CCBE1: variants seen among roughly 807,000 people sequenced by gnomAD.
CCBE1 encodes the protein collagen and calcium binding EGF domains 1.
CCBE1 carries 37 observed loss-of-function variants against 50.0 expected under a neutral mutation model. The observed-to-expected ratio is 0.74, with a 90% CI of 0.57 to 0.97. The LOEUF (loss-of-function observed/expected upper bound fraction) is 0.97. CCBE1 is among the 50% of genes least tolerant of loss of function. The pLI, the probability that CCBE1 is intolerant of heterozygous loss-of-function variation, is 0.00. For synonymous variants in CCBE1, 234 were observed against 203.7 expected, an observed-to-expected ratio of 1.15 and a Z score of -1.27; for missense variants, 538 against 523.8, an observed-to-expected ratio of 1.03 and a Z score of -0.26.
chr18:59,476,153 T>C (rs1202821611), intron 3 of CCBE1, among the ~76,000 whole-genome samples: 2 of 152,174 alleles, frequency 1.3e-5, no homozygotes, highest in Non-Finnish European at 2.9e-5. Flanking sequence ...GGGTTCTTTA[T>C]GCCTCAGCTC....
chr18:59,562,106 C>T (rs1187526302), intron 2 of CCBE1, among the ~76,000 whole-genome samples: 1 of 152,128 alleles, frequency 6.6e-6, no homozygotes, highest in Non-Finnish European at 1.5e-5. Flanking sequence ...TTATTGACTG[C>T]TTTAAATAAT....
At chr18:59,595,181 A>T (rs1348407173) in intron 2 of CCBE1, among the ~76,000 whole-genome samples, 1 of 147,096 alleles carries the variant, frequency 6.8e-6, no homozygotes, top group Admixed American at 6.8e-5. Flanking sequence ...GGAACCTCAG[A>T]CTCCTCCCTT....
At chr18:59,478,576 G>C (rs904825210) in intron 3 of CCBE1, among the ~76,000 whole-genome samples, 2 of 152,190 alleles carry the variant, frequency 1.3e-5, no homozygotes, top group African/African-American at 2.4e-5. Context: ...GTTAATTATA[G>C]GTGCTGTAGT....
chr18:59,453,037 T>A (rs1219891495), intron 6 of CCBE1, among the ~76,000 whole-genome samples: 3 of 152,202 alleles, frequency 2.0e-5, no homozygotes, highest in Non-Finnish European at 1.5e-5. Context: ...CACTTCTTTA[T>A]TTTTATACAT....
chr18:59,500,542 C>A (rs1913569401), intron 2 of CCBE1, among the ~76,000 whole-genome samples: 1 of 152,126 alleles, frequency 6.6e-6, no homozygotes, highest in East Asian at 1.9e-4. Flanking sequence ...TGGCTTCATC[C>A]AGAACTGTCA....
intron 2 of CCBE1, among the ~76,000 whole-genome samples, chr18:59,501,528 C>T (rs1177066102): frequency 6.6e-6 from 1 of 152,140 alleles, no homozygotes; most frequent in Non-Finnish European, 1.5e-5. Context: ...TAAGTGTCGA[C>T]ACTCCTCCCC....
At position 59,563,115 on chromosome 18, in the gene CCBE1, G is replaced by A. The variant is rs148479553; in HGVS notation, c.213-82877C>T. ...TGCAACCCTTACAACCCCACCAGGT[G>A]GGTGAGCTGCCCAGAACATCAAATG... On this transcript the variant is annotated intron_variant, in intron 2 of 10. Coordinates refer to ENST00000439986, the MANE Select transcript of CCBE1 (RefSeq NM_133459.4). 2.8e-4 allele frequency among the ~76,000 whole-genome samples: 43 copies of A among 152,330 alleles called. No homozygotes were observed. The East Asian group carries it at 8.1e-3, about 29-fold the overall frequency.
chr18:59,601,551 T>G (rs945894028), intron 2 of CCBE1, among the ~76,000 whole-genome samples: 2 of 152,176 alleles, frequency 1.3e-5, no homozygotes, highest in African/African-American at 4.8e-5. Flanking sequence ...CTCTCATGTA[T>G]GTCTTTATTA....
intron 2 of CCBE1, among the ~76,000 whole-genome samples, chr18:59,538,492 C>A (rs2144373549): frequency 1.3e-5 from 2 of 152,278 alleles, no homozygotes; most frequent in East Asian, 3.9e-4. Context: ...TACATATTTT[C>A]TTGGCCATCT....
At chr18:59,623,130 C>T (rs901438940) in intron 2 of CCBE1, among the ~76,000 whole-genome samples, 2 of 152,006 alleles carry the variant, frequency 1.3e-5, no homozygotes, top group Non-Finnish European at 2.9e-5. Context: ...CATGTGGAGT[C>T]GAGAGTATAT....
chr18:59,484,702 C>G (rs625314), intron 2 of CCBE1, among the ~76,000 whole-genome samples: 152,042 of 152,368 alleles, frequency 1, 75,860 homozygotes, highest in Middle Eastern at 1. Context: ...TTCCCCTTTG[C>G]GTTTTTTAAT....
At chr18:59,552,128 T>TAG (rs1326789990) in intron 2 of CCBE1, among the ~76,000 whole-genome samples, 1 of 152,178 alleles carries the variant, frequency 6.6e-6, no homozygotes, top group Non-Finnish European at 1.5e-5. Context: ...CATCACTCAG[T>TAG]AGTCTGGCCT....
At chr18:59,459,221 A>C (rs1316035450) in intron 5 of CCBE1, 1 of 152,222 alleles carries the variant, frequency 6.6e-6, no homozygotes, top group Non-Finnish European at 1.5e-5. Flanking sequence ...GGGACCTTAC[A>C]TCACCTTTTC....
intron 2 of CCBE1, among the ~76,000 whole-genome samples, chr18:59,524,249 G>A (rs1407321334): frequency 6.6e-6 from 1 of 152,164 alleles, no homozygotes; most frequent in East Asian, 1.9e-4. Flanking sequence ...GAACCTAGGA[G>A]GCGAAGTTTG....
intron 2 of CCBE1, among the ~76,000 whole-genome samples, chr18:59,631,292 T>C (rs2053845638): frequency 6.6e-6 from 1 of 152,136 alleles, no homozygotes; most frequent in South Asian, 2.1e-4. Context: ...GGAAAGAGGC[T>C]GAATCCTGAT....
chr18:59,594,593 A>G (rs893329197), intron 2 of CCBE1, among the ~76,000 whole-genome samples: 1 of 152,196 alleles, frequency 6.6e-6, no homozygotes, highest in Non-Finnish European at 1.5e-5. Context: ...CCTTGGGCAA[A>G]ACAAAATTGT....
chr18:59,439,612 C>A (rs1568138993), intron 8 of CCBE1, 34 bp from the exon 9 acceptor site: 2 of 1,614,230 alleles, frequency 1.2e-6, no homozygotes, highest in Non-Finnish European at 1.7e-6. Context: ...TAACCACAGG[C>A]AAAAGCATGG....
chr18:59,682,500 G>A (rs1336046632), intron 2 of CCBE1, among the ~76,000 whole-genome samples: 4 of 151,698 alleles, frequency 2.6e-5, no homozygotes, highest in Admixed American at 2.0e-4. Context: ...CTGAAACAGA[G>A]ACCCCCCCCT....
At chr18:59,616,366 C>T (rs536394466) in intron 2 of CCBE1, among the ~76,000 whole-genome samples, 1 of 152,356 alleles carries the variant, frequency 6.6e-6, no homozygotes, top group South Asian at 2.1e-4. Context: ...GTGATTAACT[C>T]AAGTTCCAAA....
Sources: allele counts gnomAD v4.1 joint callset (sites outside exome capture counted in the v4.1 genomes callset), GRCh38; gene constraint gnomAD v4.1.1; transcripts MANE v1.5; gene names NCBI Gene and HGNC (gene_info 2026-07-23, HGNC 2026-07-21).